Variants in ITGB3 observed in about 807,000 individuals in gnomAD.
ITGB3 encodes the protein integrin subunit beta 3.
Under a neutral mutation model 85.8 loss-of-function variants are expected in ITGB3, and 48 were observed. The observed-to-expected ratio is 0.56, with a 90% CI of 0.44 to 0.71. ITGB3 has a LOEUF of 0.71. ITGB3 is among the 30% of genes least tolerant of loss of function. The probability of loss-of-function intolerance (pLI) is 0.00; values close to 1 mark genes in which losing one functional copy is unlikely to be tolerated. For missense variants in ITGB3, 861 were observed against 1,019.1 expected (o/e 0.84, Z 2.11); for synonymous variants, 363 against 395.6 (o/e 0.92, Z 0.98).
intron 1 of ITGB3, among the ~76,000 whole-genome samples, chr17:47,272,299 C>T (rs995378023): frequency 6.6e-5 from 10 of 152,014 alleles, no homozygotes; most frequent in Admixed American, 2.0e-4. Flanking sequence ...CGTGATCCGC[C>T]GGTCTCGGCC....
intron 10 of ITGB3, among the ~76,000 whole-genome samples, chr17:47,297,039 T>C (rs565754264): frequency 6.6e-6 from 1 of 152,362 alleles, no homozygotes; most frequent in South Asian, 2.1e-4. Flanking sequence ...ATAACTTCTT[T>C]CTTACTACTT....
chr17:47,301,676 T>C (rs2065167839), intron 12 of ITGB3, among the ~76,000 whole-genome samples: 1 of 152,080 alleles, frequency 6.6e-6, no homozygotes, highest in South Asian at 2.1e-4. Flanking sequence ...AATAAGCATA[T>C]TAAAATAAAT....
At chr17:47,254,007 A>C (rs1248459488) in intron 1 of ITGB3, 67 bp downstream of exon 1, 1 of 1,078,354 alleles carries the variant, frequency 9.3e-7, no homozygotes. Flanking sequence ...CAAGTTGCGG[A>C]CTTGGAGCCG....
At chr17:47,308,829 G>C (rs138484793) in intron 14 of ITGB3, among the ~76,000 whole-genome samples, 1,531 of 152,216 alleles carry the variant, frequency 0.01, 15 homozygotes, top group Non-Finnish European at 0.016. Flanking sequence ...TACCATTATA[G>C]GATTTGTTAC....
At chr17:47,272,435 G>T (rs1418631339) in intron 1 of ITGB3, among the ~76,000 whole-genome samples, 1 of 151,712 alleles carries the variant, frequency 6.6e-6, no homozygotes, top group Non-Finnish European at 1.5e-5. Context: ...TCGCACTATT[G>T]CCCAGGGTTG....
chr17:47,267,182 G>T (rs1413340358), intron 1 of ITGB3, among the ~76,000 whole-genome samples: 2 of 152,200 alleles, frequency 1.3e-5, no homozygotes, highest in African/African-American at 4.8e-5. Flanking sequence ...ACAGGGTTTG[G>T]TTTATTTCAT....
Position 47,299,577 on chromosome 17 carries a change from G to A in ITGB3, c.1913+47G>A. On this transcript the variant is annotated intron_variant, in intron 11 of 14. Coordinates refer to ENST00000559488, the MANE Select transcript of ITGB3 (RefSeq NM_000212.3). This position sits in a 1 kb window ranked among gnomAD's most constrained non-coding sequence, Gnocchi z 5.1. ...AGCCGGGAGGCTGGGAGGTAGGAGA[G>A]GATCCCCTGACTAGAATCCCCAGCT... is the stretch of plus-strand genomic sequence containing the variant. The A allele has an allele frequency of 5.2e-6, 8 of 1,548,888 alleles. No individual in the cohort carries two copies. The highest frequency in any genetic ancestry group is 7.1e-6 in the Non-Finnish European group (8 of 1,125,854).
chr17:47,298,019 T>C (rs2065152089), intron 10 of ITGB3, among the ~76,000 whole-genome samples: 1 of 152,206 alleles, frequency 6.6e-6, no homozygotes, highest in African/African-American at 2.4e-5. Flanking sequence ...TCTGTTCCAC[T>C]GCACTCCCAG....
intron 1 of ITGB3, among the ~76,000 whole-genome samples, chr17:47,265,955 C>G (rs1242122149): frequency 6.6e-6 from 1 of 152,198 alleles, no homozygotes; most frequent in African/African-American, 2.4e-5. Context: ...CTCCACCTCC[C>G]TGTCTCCTTC....
At chr17:47,294,684 G>A (rs1372353284) in intron 10 of ITGB3, among the ~76,000 whole-genome samples, 1 of 152,180 alleles carries the variant, frequency 6.6e-6, no homozygotes, top group Non-Finnish European at 1.5e-5. Flanking sequence ...ATACTCAGGG[G>A]CGCACATCAT....
chr17:47,257,209 C>T (rs907314505), intron 1 of ITGB3, among the ~76,000 whole-genome samples: 2 of 152,188 alleles, frequency 1.3e-5, no homozygotes, highest in East Asian at 3.8e-4. Flanking sequence ...CATGCATATG[C>T]GCTATGCAGG....
intron 2 of ITGB3, among the ~76,000 whole-genome samples, chr17:47,278,354 G>T (rs11649785): frequency 6.6e-6 from 1 of 152,148 alleles, no homozygotes; most frequent in Admixed American, 6.5e-5. Context: ...GCCAAAGTGG[G>T]CAGATCACTT....
Position 47,313,460 on chromosome 17 carries a change from C to T in ITGB3, c.*3256C>T, listed in dbSNP as rs2065224407. Among the ~76,000 whole-genome samples, 1 of 151,038 alleles carries T rather than the reference C, an allele frequency of 6.6e-6. No homozygotes were observed. On this transcript the variant is annotated 3_prime_UTR_variant, in exon 15 of 15. Transcript: ENST00000559488. ...CTCCCGGGTTCACGCCATTCTCCTG[C>T]CTCAGCCTCCCGAGTAGCTGGGATT...
intron 1 of ITGB3, among the ~76,000 whole-genome samples, chr17:47,265,493 C>A (rs2065022138): frequency 6.6e-6 from 1 of 152,206 alleles, no homozygotes; most frequent in Non-Finnish European, 1.5e-5. Flanking sequence ...GGCTGTATCA[C>A]TCCAATCTCT....
chr17:47,285,615 TA>T (rs372991112), intron 4 of ITGB3, among the ~76,000 whole-genome samples: 9 of 147,860 alleles, frequency 6.1e-5, no homozygotes, highest in East Asian at 2.0e-4. Flanking sequence ...CAACTGTCTC[TA>T]AAAAAAAAAG....
chr17:47,262,019 G>T (rs1005704228), intron 1 of ITGB3, among the ~76,000 whole-genome samples: 4 of 152,236 alleles, frequency 2.6e-5, no homozygotes, highest in African/African-American at 9.6e-5. Context: ...AGCTGCAGGG[G>T]ATATCCTTAT....
chr17:47,261,116 C>G (rs764740254), intron 1 of ITGB3, among the ~76,000 whole-genome samples: 6 of 152,150 alleles, frequency 3.9e-5, no homozygotes, highest in East Asian at 1.9e-4. Flanking sequence ...CCAGCATCTC[C>G]TCATGCAAAC....
intron 9 of ITGB3, 84 bp from the exon 10 acceptor site, chr17:47,292,055 C>G: frequency 7.0e-7 from 1 of 1,424,290 alleles, no homozygotes; most frequent in Non-Finnish European, 9.9e-7. Flanking sequence ...CTTGGCAGGG[C>G]AGGGAACAAC....
At chr17:47,255,337 C>T (rs1198096889) in intron 1 of ITGB3, among the ~76,000 whole-genome samples, 2 of 151,892 alleles carry the variant, frequency 1.3e-5, no homozygotes, top group Non-Finnish European at 2.9e-5. Context: ...ATAAACTATT[C>T]GAAAATACTT....
Sources: allele counts gnomAD v4.1 joint callset (sites outside exome capture counted in the v4.1 genomes callset), GRCh38; gene constraint gnomAD v4.1.1; non-coding constraint Gnocchi (gnomAD v3.1); transcripts MANE v1.5; gene names NCBI Gene and HGNC (gene_info 2026-07-23, HGNC 2026-07-21).